The following GRIP1 variants were observed in gnomAD, a reference collection of about 807,000 sequenced individuals.
The protein encoded by GRIP1 is glutamate receptor-interacting protein 1.
Under a neutral mutation model 129.9 loss-of-function variants are expected in GRIP1, and 45 were observed. The observed-to-expected ratio is 0.35, with a 90% CI of 0.27 to 0.44. GRIP1 has a LOEUF of 0.44. GRIP1 is among the 20% of genes least tolerant of loss of function. The probability of loss-of-function intolerance (pLI) is 1.00; values close to 1 mark genes in which losing one functional copy is unlikely to be tolerated. For missense variants in GRIP1, 1,196 were observed against 1,396.8 expected (o/e 0.86, Z 2.29); for synonymous variants, 530 against 520.8 (o/e 1.02, Z -0.24).
intron 1 of GRIP1, among the ~76,000 whole-genome samples, chr12:66,884,479 G>A (rs1011119534): frequency 2.6e-5 from 4 of 152,130 alleles, no homozygotes; most frequent in Admixed American, 6.6e-5. Flanking sequence ...TAATACGCAC[G>A]AACAGGATGT....
intron 1 of GRIP1, among the ~76,000 whole-genome samples, chr12:66,817,014 T>C (rs2039231510): frequency 6.6e-6 from 1 of 152,070 alleles, no homozygotes; most frequent in African/African-American, 2.4e-5. Flanking sequence ...CTCATGAACA[T>C]CCTTTCCTCA....
At chr12:66,899,405 C>T (rs1466279402) in intron 1 of GRIP1, among the ~76,000 whole-genome samples, 3 of 151,942 alleles carry the variant, frequency 2.0e-5, no homozygotes, top group African/African-American at 7.3e-5. Context: ...GCTCTGTCAC[C>T]CAGGCAGGAA....
chr12:66,632,405 T>C (rs12426597), intron 1 of GRIP1, among the ~76,000 whole-genome samples: 30,953 of 152,130 alleles, frequency 0.2, 3,285 homozygotes, highest in Middle Eastern at 0.25. Flanking sequence ...AGGGATGATC[T>C]AGTTATTGGG....
At chr12:67,047,361 C>A (rs968568283) in intron 1 of GRIP1, among the ~76,000 whole-genome samples, 1 of 152,104 alleles carries the variant, frequency 6.6e-6, no homozygotes, top group Non-Finnish European at 1.5e-5. Flanking sequence ...AATTTATCCA[C>A]AATCCAATTG....
At chr12:66,917,931 C>T (rs1054430119) in intron 1 of GRIP1, among the ~76,000 whole-genome samples, 1 of 149,716 alleles carries the variant, frequency 6.7e-6, no homozygotes, top group Non-Finnish European at 1.5e-5. Flanking sequence ...GCAAGAGAAC[C>T]AATAAGAGAT....
intron 1 of GRIP1, among the ~76,000 whole-genome samples, chr12:66,769,407 C>T (rs527484080): frequency 2.0e-4 from 30 of 152,046 alleles, no homozygotes; most frequent in African/African-American, 7.2e-4. Context: ...ACTGTTTTAC[C>T]TCCTCTTTCT....
rs1450088496 is a variant in GRIP1, at chr12:66,347,658, T to TTTTC, written c.*1357_*1360dup. On this transcript the variant is annotated 3_prime_UTR_variant, in exon 25 of 25. Coordinates refer to ENST00000359742, the MANE Select transcript of GRIP1 (RefSeq NM_001366722.1). The stretch of plus-strand genomic sequence containing the variant: ...CATATTTAAGTGACTCATGATCTTT[T>TTTTC]TTTCTTTTTTCTTAACATGATCCTG... 1 of 152,240 alleles carries TTTTC rather than the reference T, an allele frequency of 6.6e-6. No homozygotes were observed. Among genetic ancestry groups the TTTTC allele is most frequent in the Non-Finnish European group, 1.5e-5 (1 of 68,038 alleles). 9.4% of individuals were successfully genotyped at this position (152,240 alleles called of 1,614,324 possible). A position where few individuals can be genotyped will look rare whatever the true frequency, so the allele number is the denominator to read the frequency against.
intron 1 of GRIP1, among the ~76,000 whole-genome samples, chr12:66,798,672 C>A (rs2038770689): frequency 6.6e-6 from 1 of 152,062 alleles, no homozygotes; most frequent in Non-Finnish European, 1.5e-5. Flanking sequence ...CATTTTAAGT[C>A]CCCTGAAATA....
At chr12:67,034,748 G>T (rs2043070698) in intron 1 of GRIP1, among the ~76,000 whole-genome samples, 1 of 152,170 alleles carries the variant, frequency 6.6e-6, no homozygotes, top group Non-Finnish European at 1.5e-5. Flanking sequence ...ACTGTGCTAT[G>T]ATGCTCTGAC....
At chr12:67,016,433 A>G (rs2042788451) in intron 1 of GRIP1, among the ~76,000 whole-genome samples, 1 of 152,202 alleles carries the variant, frequency 6.6e-6, no homozygotes, top group East Asian at 1.9e-4. Flanking sequence ...GATTTTTCAT[A>G]TGTATTCAAT....
rs970096223 is a variant in GRIP1 at position 66,585,426 on chromosome 12, A to G, written c.136+11421T>C. ...TTTCATCCATGTCCCTACAAAGGAC[A>G]TGAACTCATCATTTTTTATGGCTGC... is the stretch of plus-strand genomic sequence containing the variant. On this transcript the variant is annotated intron_variant, in intron 2 of 24. Transcript: ENST00000359742. 3.6e-4 allele frequency among the ~76,000 whole-genome samples: 49 copies of G among 136,162 alleles called. 3 individuals are homozygous for G. Among genetic ancestry groups the G allele is most frequent in the Admixed American group, 2.6e-3 (34 of 13,112 alleles). 89.3% of individuals were successfully genotyped at this position (136,162 alleles called of 152,430 possible).
chr12:66,510,363 T>C (rs540057839), intron 7 of GRIP1, among the ~76,000 whole-genome samples: 1 of 152,260 alleles, frequency 6.6e-6, no homozygotes, highest in East Asian at 1.9e-4. Context: ...GCCTCTCTCT[T>C]CTCTGTCTAA....
chr12:66,872,713 G>A (rs1447123519), intron 1 of GRIP1, among the ~76,000 whole-genome samples: 2 of 151,962 alleles, frequency 1.3e-5, no homozygotes, highest in African/African-American at 4.8e-5. Context: ...CTGCTTCTAC[G>A]GAAAAGGAAA....
rs2058448601 is a variant in GRIP1, at chr12:66,440,714, C to A, written c.1687+3870G>T. 5.9e-5 allele frequency among the ~76,000 whole-genome samples: 9 copies of A among 152,216 alleles called. 1 individual carries two copies. The South Asian group carries it at 1.9e-3, about 32-fold the overall frequency. ...ATTCATGTCAGGCCCCAAACATGCT[C>A]AATCTCTCCAATCTTAACAAAACAA... On this transcript the variant is annotated intron_variant, in intron 13 of 24. Transcript: ENST00000359742.
At position 66,817,202 on chromosome 12, in the gene GRIP1, GCACACACACA is replaced by G. The variant is rs57507955; in HGVS notation, c.59-220285_59-220276del. Among the ~76,000 whole-genome samples the G allele has an allele frequency of 2.3e-3, 311 of 136,218 alleles. 1 individual carries two copies. Among genetic ancestry groups the G allele is most frequent in the Middle Eastern group, 8.0e-3 (2 of 250 alleles). 89.4% of individuals were successfully genotyped at this position (136,218 alleles called of 152,430 possible). A position where few individuals can be genotyped will look rare whatever the true frequency, so the allele number is the denominator to read the frequency against. On this transcript the variant is annotated intron_variant, in intron 1 of 1. Transcript: ENST00000643019. ...TATATATATACATAATTTTCAGTATGCACACACACACACACACACACACACACACACACAC... is the reference window on the plus strand; with the variant it reads ...TATATATATACATAATTTTCAGTATGCACACACACACACACACACACACAC...
intron 1 of GRIP1, among the ~76,000 whole-genome samples, chr12:66,716,149 G>A (rs903217123): frequency 4.0e-5 from 6 of 151,840 alleles, no homozygotes; most frequent in Admixed American, 6.6e-5. Context: ...AAGATCAAAC[G>A]TGATAAAGTG....
chr12:66,451,991 C>G (rs1192039495), intron 11 of GRIP1, among the ~76,000 whole-genome samples: 1 of 152,222 alleles, frequency 6.6e-6, no homozygotes, highest in East Asian at 1.9e-4. Flanking sequence ...TCCTTCAGCT[C>G]TTTTCAATGG....
intron 1 of GRIP1, among the ~76,000 whole-genome samples, chr12:66,817,914 A>G (rs2039252536): frequency 6.6e-6 from 1 of 152,218 alleles, no homozygotes; most frequent in Non-Finnish European, 1.5e-5. Context: ...CAGATTCTAC[A>G]TTCGATCTGT....
At chr12:66,398,317 C>A (rs767251670) in intron 16 of GRIP1, among the ~76,000 whole-genome samples, 2 of 151,408 alleles carry the variant, frequency 1.3e-5, no homozygotes, top group South Asian at 4.1e-4. Context: ...AAAATACAAC[C>A]CCTGTGCAAG....
Sources: gnomAD v4.1 joint callset for allele counts (sites outside exome capture counted in the v4.1 genomes callset) on GRCh38, gnomAD v4.1.1 for gene constraint, MANE v1.5 for transcripts, NCBI Gene and HGNC (gene_info 2026-07-23, HGNC 2026-07-21) for gene names.